LARP6: variants seen among roughly 807,000 people sequenced by gnomAD.
The protein encoded by LARP6 is la-related protein 6.
A neutral mutation model predicts 32.8 loss-of-function variants in LARP6; 18 were observed. The observed-to-expected ratio is 0.55, with a 90% CI of 0.38 to 0.81. The LOEUF is 0.81. Ranked by LOEUF, LARP6 falls within the 40% of genes least tolerant of loss-of-function variation. The pLI is 0.00. For synonymous variants in LARP6, 289 were observed against 267.2 expected, an observed-to-expected ratio of 1.08 and a Z score of -0.80; for missense variants, 598 against 663.1, an observed-to-expected ratio of 0.90 and a Z score of 1.08.
At chr15:70,851,734 A>C (rs1188369620) in intron 1 of LARP6, 2 of 1,613,998 alleles carry the variant, frequency 1.2e-6, no homozygotes, top group Non-Finnish European at 1.7e-6. Flanking sequence ...TGAGGGAGAC[A>C]CAATGATAGA....
intron 1 of LARP6, among the ~76,000 whole-genome samples, chr15:70,850,796 T>C (rs1342220981): frequency 1.3e-5 from 2 of 151,654 alleles, no homozygotes; most frequent in Non-Finnish European, 1.5e-5. Context: ...TTTCAGTTTA[T>C]AAGAAGCACA....
chr15:70,853,868 C>G, intron 1 of LARP6, 21 bp downstream of exon 1: 2 of 1,258,592 alleles, frequency 1.6e-6, no homozygotes, highest in Non-Finnish European at 2.0e-6. Context: ...GCCCACCTCC[C>G]GGGCCAGCCG....
intron 2 of LARP6, among the ~76,000 whole-genome samples, chr15:70,835,837 T>C (rs1374350814): frequency 6.6e-6 from 1 of 152,176 alleles, no homozygotes; most frequent in Non-Finnish European, 1.5e-5. Context: ...AGGCAGAGCA[T>C]GTGTGTCTTA....
At chr15:70,852,639 C>G (rs1008031465) in intron 1 of LARP6, among the ~76,000 whole-genome samples, 1 of 152,194 alleles carries the variant, frequency 6.6e-6, no homozygotes, top group Non-Finnish European at 1.5e-5. Flanking sequence ...TTTTTATGCT[C>G]TCGGTACTTG....
Position 70,832,498 on chromosome 15 carries a change from T to C in LARP6, c.1030A>G (p.Ser344Gly). 1.3e-6 allele frequency: 2 copies of C among 1,542,938 alleles called. No individual in the cohort carries two copies. The highest frequency in any genetic ancestry group is 2.6e-5 in the South Asian group (2 of 77,726). ...SSANSSSDPE[S>G]NPTSPMAGRR... Reference sequence around the variant, plus strand: ...CCCGCCATAGGGGATGTGGGGTTGCTCTCGGGGTCAGAGGAGCTGTTGGCA... The same window carrying C: ...CCCGCCATAGGGGATGTGGGGTTGCCCTCGGGGTCAGAGGAGCTGTTGGCA... Residue 344 changes from serine to glycine, a missense_variant, in exon 3 of 3, where the codon AGC (serine) becomes GGC (glycine). Physicochemically the swap from Ser to Gly is moderately conservative, Grantham distance 56. This residue lies in a region of LARP6 where 368 missense variants were observed against 397.9 expected (regional missense o/e 0.92). Coordinates refer to ENST00000299213, the MANE Select transcript of LARP6 (RefSeq NM_018357.4).
chr15:70,854,044 CG>C lies in LARP6; in HGVS notation c.44del (p.Ala15GlyfsTer78). The C allele has an allele frequency of 7.0e-7, 1 of 1,438,070 alleles. No individual in the cohort carries two copies. The highest frequency in any genetic ancestry group is 9.2e-7 in the Non-Finnish European group (1 of 1,088,528). 89.1% of individuals were successfully genotyped at this position (1,438,070 alleles called of 1,614,324 possible). A position where few individuals can be genotyped will look rare whatever the true frequency, so the allele number is the denominator to read the frequency against. On this transcript the variant is annotated frameshift_variant, in exon 1 of 3. Transcript: ENST00000299213. LOFTEE classifies it high-confidence loss of function. ...GGEARPGPKT[A>X]VQIRVAIQEA... ...CCTGGATGGCGACGCGGATCTGCAC[CG>C]CCGTCTTGGGCCCGGGCCGAGCCTC...
At chr15:70,844,751 GTTAT>G (rs756631836) in intron 1 of LARP6, among the ~76,000 whole-genome samples, 2 of 152,192 alleles carry the variant, frequency 1.3e-5, no homozygotes, top group Non-Finnish European at 2.9e-5. Flanking sequence ...AATTTTAGTA[GTTAT>G]TTATTTAGTT....
chr15:70,852,265 C>A (rs529338092), intron 1 of LARP6: 54 of 455,776 alleles, frequency 1.2e-4, no homozygotes, highest in African/African-American at 1.0e-3. Context: ...AACTCTATGC[C>A]AGTGGGCAGC....
chr15:70,834,319 C>T (rs918541499), intron 2 of LARP6, among the ~76,000 whole-genome samples: 1 of 152,138 alleles, frequency 6.6e-6, no homozygotes, highest in African/African-American at 2.4e-5. Context: ...ACTAGAAGAA[C>T]ACGGGTCCAA....
intron 1 of LARP6, among the ~76,000 whole-genome samples, chr15:70,846,606 C>G (rs1158924499): frequency 5.7e-5 from 6 of 104,382 alleles, no homozygotes; most frequent in Admixed American, 1.2e-4. Context: ...GAGACCCTGT[C>G]TCAAAAAATA....
intron 1 of LARP6, chr15:70,851,385 C>T: frequency 3.0e-6 from 3 of 1,002,250 alleles, no homozygotes; most frequent in Non-Finnish European, 3.8e-6. Context: ...AAAGGAAAGG[C>T]ATCTTTTTAA....
chr15:70,832,651 T>C lies in LARP6; in HGVS notation c.877A>G (p.Met293Val), dbSNP rs373387187. 5 of 1,610,366 alleles carry C rather than the reference T, an allele frequency of 3.1e-6. No homozygotes were observed. Among genetic ancestry groups the C allele is most frequent in the Non-Finnish European group, 4.2e-6 (5 of 1,179,022 alleles). The change falls in exon 3 of 3, where the codon ATG becomes GTG. Residue 293 changes from methionine (M) to valine (V), a missense_variant. Met to Val is a conservative substitution (Grantham distance 21). Coordinates refer to ENST00000299213, the MANE Select transcript of LARP6 (RefSeq NM_018357.4). ...GCAGGTTTCTTTTTGGGTGGCTTCA[T>C]ACCAATCAGGACAGCTTTCATGTTC... ...KENMKAVLIG[M>V]KPPKKKPAKD...
intron 1 of LARP6, chr15:70,851,810 A>C: frequency 6.3e-7 from 1 of 1,586,332 alleles, no homozygotes; most frequent in Non-Finnish European, 8.6e-7. Context: ...GAAGAAAGGA[A>C]ACACAGCCAG....
rs1308148239 is a variant in LARP6 at position 70,836,525 on chromosome 15, C to G, written c.201-20G>C. Reference sequence around the variant, plus strand: ...GTGCCACTGAGACCAGAAGGAGACACCGGGTGTTAGGGTCAACGTTGAACT... The same window carrying G: ...GTGCCACTGAGACCAGAAGGAGACAGCGGGTGTTAGGGTCAACGTTGAACT... On this transcript the variant is annotated intron_variant, in intron 1 of 2. Transcript: ENST00000299213. 6.2e-7 allele frequency: 1 copy of G among 1,607,716 alleles called. No homozygotes were observed.
In LARP6 at chr15:70,832,101, T is replaced by C. The variant is rs2032051457; in HGVS notation, c.1427A>G (p.Asp476Gly). ...ATGGCCATGAAATCCTCTGGTGTTG[T>C]CAGGACCCCTGGGCAACCTCAGCAC... ...VGVLRLPRGP[D>G]NTRGFHGHER... is the part of the protein sequence containing the mutation. The change falls in exon 3 of 3, where the codon GAC becomes GGC. Residue 476 changes from aspartate (D) to glycine (G), a missense_variant. Around this residue, in one of 3 missense-constraint regions of LARP6, gnomAD observed 368 missense variants for 397.9 expected, o/e 0.92. Transcript: ENST00000299213. 6.4e-7 allele frequency: 1 copy of C among 1,570,624 alleles called. No homozygotes were observed. Among genetic ancestry groups the C allele is most frequent in the Admixed American group, 1.9e-5 (1 of 53,938 alleles).
rs993647856 is a variant in LARP6, at chr15:70,830,825, C to A, written c.*1227G>T. The A allele has an allele frequency of 3.3e-5, 5 of 152,224 alleles. No homozygotes were observed. Among genetic ancestry groups the A allele is most frequent in the African/African-American group, 1.2e-4 (5 of 41,456 alleles). 9.4% of individuals were successfully genotyped at this position (152,224 alleles called of 1,614,324 possible). A position where few individuals can be genotyped will look rare whatever the true frequency, so the allele number is the denominator to read the frequency against. On this transcript the variant is annotated 3_prime_UTR_variant, in exon 3 of 3. Transcript: ENST00000299213. ...CAATGCTCTTTCTGCTACACCAAGGCAGCTCCTGATGATAACAAACATTAA... is the reference window on the plus strand; with the variant it reads ...CAATGCTCTTTCTGCTACACCAAGGAAGCTCCTGATGATAACAAACATTAA...
chr15:70,838,912 C>CAAAAAAAAAAA (rs1555422818), intron 1 of LARP6, among the ~76,000 whole-genome samples: 1 of 102,900 alleles, frequency 9.7e-6, no homozygotes, highest in African/African-American at 4.6e-5. Flanking sequence ...CTCAGCCTCA[C>CAAAAAAAAAAA]AAAAAAAAAA....
intron 1 of LARP6, chr15:70,849,539 T>C (rs1279649442): frequency 2.6e-5 from 4 of 152,208 alleles, no homozygotes; most frequent in African/African-American, 9.7e-5. Context: ...ACTGTGGAAA[T>C]GGCTGAATTC....
At chr15:70,838,865 C>T (rs1216963342) in intron 1 of LARP6, among the ~76,000 whole-genome samples, 1 of 137,604 alleles carries the variant, frequency 7.3e-6, no homozygotes, top group Non-Finnish European at 1.5e-5. Flanking sequence ...GGAAAAGACA[C>T]ATACATATAT....
Sources: allele counts gnomAD v4.1 joint callset (sites outside exome capture counted in the v4.1 genomes callset), GRCh38; gene constraint gnomAD v4.1.1; regional missense constraint gnomAD v4.1.1; transcripts MANE v1.5; gene names NCBI Gene and HGNC (gene_info 2026-07-23, HGNC 2026-07-21).